The following IGSF10 variants were observed in gnomAD, a reference collection of about 807,000 sequenced individuals.
IGSF10 encodes the protein calvaria mechanical force protein 608.
In IGSF10, 126 loss-of-function variants were observed where a neutral mutation model predicts 128.2. The ratio of observed to expected loss-of-function variants is 0.98; its 90% CI spans 0.85 to 1.14. The LOEUF is 1.14. IGSF10 is among the 50% of genes most tolerant of loss of function. The probability of loss-of-function intolerance (pLI) is 0.00; values close to 1 mark genes in which losing one functional copy is unlikely to be tolerated. For missense variants in IGSF10, 3,295 were observed against 3,149.8 expected (o/e 1.05, Z -1.10); for synonymous variants, 1,185 against 1,146.2 (o/e 1.03, Z -0.68).
intron 4 of IGSF10, among the ~76,000 whole-genome samples, chr3:151,455,361 C>CA (rs997195685): frequency 8.6e-5 from 13 of 151,786 alleles, no homozygotes; most frequent in African/African-American, 2.7e-4. Flanking sequence ...ATCTGCCCCC[C>CA]CTTGGCCTCC....
At chr3:151,587,262 T>TATCTCCTAACA in the IGSF10 span, among the ~76,000 whole-genome samples, 9 of 152,174 alleles carry the variant, frequency 5.9e-5, no homozygotes, top group African/African-American at 1.4e-4. Context: ...GAGTATCACG[T>TATCTCCTAACA]CAGAATTTTC....
intron 2 of IGSF10, among the ~76,000 whole-genome samples, chr3:151,459,982 A>T (rs1205746338): frequency 6.6e-6 from 1 of 152,206 alleles, no homozygotes; most frequent in African/African-American, 2.4e-5. Flanking sequence ...AGATAGGATT[A>T]ATCATATGAC....
chr3:151,558,684 T>C, the IGSF10 span, among the ~76,000 whole-genome samples: 1 of 152,070 alleles, frequency 6.6e-6, no homozygotes, highest in Non-Finnish European at 1.5e-5. Flanking sequence ...TACTACTTGA[T>C]GCAGAAGTTG....
At chr3:151,496,669 T>C in the IGSF10 span, among the ~76,000 whole-genome samples, 1 of 151,354 alleles carries the variant, frequency 6.6e-6, no homozygotes, top group East Asian at 1.9e-4. Flanking sequence ...AGCAGCATGA[T>C]TTATAATACT....
chr3:151,534,366 G>A, the IGSF10 span, among the ~76,000 whole-genome samples: 1 of 152,132 alleles, frequency 6.6e-6, no homozygotes, highest in African/African-American at 2.4e-5. Context: ...TATGTTTATT[G>A]CTGCACTGTT....
At chr3:151,515,575 A>T in the IGSF10 span, among the ~76,000 whole-genome samples, 9 of 151,916 alleles carry the variant, frequency 5.9e-5, no homozygotes, top group African/African-American at 2.2e-4. Context: ...CATATGTAAC[A>T]AACCTGCACG....
the IGSF10 span, among the ~76,000 whole-genome samples, chr3:151,467,169 A>C: frequency 1.3e-5 from 2 of 152,194 alleles, no homozygotes; most frequent in Non-Finnish European, 2.9e-5. Context: ...GACTGAACTA[A>C]CTTCGACTGT....
rs774302298 is a variant in IGSF10, at chr3:151,437,594, C to T, written c.6967G>A (p.Val2323Met). 4.3e-5 allele frequency: 70 copies of T among 1,614,086 alleles called. No homozygotes were observed. Among genetic ancestry groups the T allele is most frequent in the East Asian group, 8.9e-5 (4 of 44,904 alleles). Residue 2323 changes from valine to methionine, a missense_variant, in exon 8 of 8, where the codon GTG (valine) becomes ATG (methionine). Coordinates refer to ENST00000282466, the MANE Select transcript of IGSF10 (RefSeq NM_178822.5). ...AGTACTTCTAACTGTACTACCAACACGCTCTCTCCACCTTCATTTCGGGCC... is the reference window on the plus strand; with the variant it reads ...AGTACTTCTAACTGTACTACCAACATGCTCTCTCCACCTTCATTTCGGGCC... The part of the protein sequence containing the change: ...CVARNEGGES[V>M]LVVQLEVLEM...
At position 151,437,135 on chromosome 3, in the gene IGSF10, T is replaced by A. The variant is rs3732775; in HGVS notation, c.7426A>T (p.Arg2476Trp). Residue 2476 changes from arginine (R) to tryptophan (W), a missense_variant, in exon 8 of 8, where the codon AGG (arginine) becomes TGG (tryptophan). By Grantham distance (101) the Arg-to-Trp change is moderately radical (BLOSUM62 -3). Coordinates refer to ENST00000282466, the MANE Select transcript of IGSF10 (RefSeq NM_178822.5). ...ATGTATTTCCCATTAATTTGAGGCC[T>A]GTCTACTACATAACCACTTGGCATA... ...WTMPSGYVVDRPQINGKYILH... is the reference protein window; with the variant it reads ...WTMPSGYVVDWPQINGKYILH... 0.01 allele frequency: 16,699 copies of A among 1,614,194 alleles called. 110 individuals are homozygous for A. The highest frequency in any genetic ancestry group is 0.025 in the East Asian group (1,116 of 44,888).
At chr3:151,506,500 T>G in the IGSF10 span, among the ~76,000 whole-genome samples, 124,448 of 152,082 alleles carry the variant, frequency 0.82, 51,009 homozygotes, top group Middle Eastern at 0.93. Flanking sequence ...TAAAGATTTC[T>G]GCCTATGTAT....
chr3:151,436,824 A>G lies in IGSF10; in HGVS notation c.7737T>C (p.His2579=), dbSNP rs1720301935. The change falls in exon 8 of 8, where the codon CAT becomes CAC. Residue 2579 remains histidine, a synonymous_variant. Transcript: ENST00000282466. The part of the protein sequence containing the change: ...LLSTASKERT[H]GSEQLHLQGT... ...CTTGTAAGTGAAGCTGCTCACTTCC[A>G]TGTGTCCTCTCTTTACTTGCCGTTG... The G allele has an allele frequency of 6.2e-7, 1 of 1,614,130 alleles. No homozygotes were observed. The highest frequency in any genetic ancestry group is 8.5e-7 in the Non-Finnish European group (1 of 1,180,012).
chr3:151,519,455 C>T, the IGSF10 span, among the ~76,000 whole-genome samples: 19 of 151,702 alleles, frequency 1.3e-4, no homozygotes, highest in Non-Finnish European at 1.3e-4. Context: ...TGGTACCTGG[C>T]TAAAGGGAGG....
At chr3:151,514,458 C>G in the IGSF10 span, among the ~76,000 whole-genome samples, 1 of 152,110 alleles carries the variant, frequency 6.6e-6, no homozygotes, top group East Asian at 1.9e-4. Context: ...GCACCTTATA[C>G]AAAAATTAAT....
the IGSF10 span, among the ~76,000 whole-genome samples, chr3:151,605,359 A>T: frequency 6.6e-6 from 1 of 152,186 alleles, no homozygotes; most frequent in Non-Finnish European, 1.5e-5. Flanking sequence ...TTTAGAAGGG[A>T]TTTTTAATCA....
the IGSF10 span, among the ~76,000 whole-genome samples, chr3:151,530,890 A>G: frequency 6.6e-6 from 1 of 152,192 alleles, no homozygotes; most frequent in South Asian, 2.1e-4. Flanking sequence ...TAAATGGGCT[A>G]AATGCCCCAG....
At chr3:151,461,740 C>G (rs532831157), upstream of IGSF10, among the ~76,000 whole-genome samples, 1 of 152,302 alleles carries the variant, frequency 6.6e-6, no homozygotes, top group African/African-American at 2.4e-5. Flanking sequence ...TTTCCTTTCT[C>G]CAACCCCTAT....
chr3:151,439,416 T>C (rs549632175), intron 7 of IGSF10, among the ~76,000 whole-genome samples: 1 of 152,294 alleles, frequency 6.6e-6, no homozygotes, highest in African/African-American at 2.4e-5. Flanking sequence ...AGTTTGAGAC[T>C]AGCCTGGCCA....
At position 151,444,825 on chromosome 3, in the gene IGSF10, T is replaced by C. The variant is rs563745225; in HGVS notation, c.5062+94A>G. 72 of 1,208,218 alleles carry C rather than the reference T, an allele frequency of 6.0e-5. No individual in the cohort carries two copies. In the African/African-American group the frequency reaches 1.0e-3, roughly 17 times the overall value. 74.8% of individuals were successfully genotyped at this position (1,208,218 alleles called of 1,614,324 possible). On this transcript the variant is annotated intron_variant, in intron 6 of 7. Coordinates refer to ENST00000282466, the MANE Select transcript of IGSF10 (RefSeq NM_178822.5). Reference sequence around the variant, plus strand: ...TCTTTGTCTTAGAAAAATTTGAAACTGATACTGATTCTTTGGATGTTTAAT... The same window carrying C: ...TCTTTGTCTTAGAAAAATTTGAAACCGATACTGATTCTTTGGATGTTTAAT...
intron 3 of IGSF10, among the ~76,000 whole-genome samples, chr3:151,457,707 C>T (rs1172972394): frequency 1.3e-5 from 2 of 152,166 alleles, no homozygotes; most frequent in Non-Finnish European, 2.9e-5. Flanking sequence ...GAACTCACTC[C>T]AAAGGGGTTA....
Sources: allele counts gnomAD v4.1 joint callset (sites outside exome capture counted in the v4.1 genomes callset), GRCh38; gene constraint gnomAD v4.1.1; transcripts MANE v1.5; gene names NCBI Gene and HGNC (gene_info 2026-07-23, HGNC 2026-07-21).